LRFN5: variants seen among roughly 807,000 people sequenced by gnomAD.
LRFN5 encodes leucine-rich repeat and fibronectin type-III domain-containing protein 5.
LRFN5 carries 24 observed loss-of-function variants against 45.6 expected under a neutral mutation model. The ratio of observed to expected loss-of-function variants is 0.53; its 90% CI spans 0.38 to 0.74. The LOEUF is 0.74. Ranked by LOEUF, LRFN5 falls within the 30% of genes least tolerant of loss-of-function variation. LRFN5 has a pLI of 0.00. For synonymous variants in LRFN5, 340 were observed against 313.8 expected (o/e 1.08, Z -0.88); for missense variants, 776 against 861.5 (o/e 0.90, Z 1.24).
chr14:41,816,350 A>C (rs898349574), intron 2 of LRFN5, among the ~76,000 whole-genome samples: 1 of 152,072 alleles, frequency 6.6e-6, no homozygotes, highest in Non-Finnish European at 1.5e-5. Flanking sequence ...AAAAATTAAA[A>C]TTTTTATTTT....
intron 1 of LRFN5, among the ~76,000 whole-genome samples, chr14:41,684,404 G>A (rs1182278733): frequency 6.6e-6 from 1 of 152,170 alleles, no homozygotes; most frequent in African/African-American, 2.4e-5. Flanking sequence ...GGACAGCAAA[G>A]GGGAAGTAAG....
intron 1 of LRFN5, among the ~76,000 whole-genome samples, chr14:41,674,865 A>AGGCTGCAATCTCGGCACTTT (rs1881523813): frequency 6.8e-6 from 1 of 147,766 alleles, no homozygotes; most frequent in African/African-American, 2.5e-5. Context: ...TGCCGGGCGG[A>AGGCTGCAATCTCGGCACTTT]GGGTCTCCTC....
intron 2 of LRFN5, among the ~76,000 whole-genome samples, chr14:41,789,133 G>C (rs987404987): frequency 2.6e-5 from 4 of 151,780 alleles, no homozygotes; most frequent in African/African-American, 7.3e-5. Context: ...TTAATTTATA[G>C]CTCATATTAA....
Position 41,886,976 on chromosome 14 carries a change from T to C in LRFN5, c.351T>C (p.Asp117=), listed in dbSNP as rs752282043. The change falls in exon 3 of 6, where the codon GAT becomes GAC. Residue 117 remains aspartate, a synonymous_variant. Coordinates refer to ENST00000298119, the MANE Select transcript of LRFN5 (RefSeq NM_152447.5). ...NSNRLTKITN[D]MFSGLSNLHH... ...ACAGATTGACTAAAATTACAAATGA[T>C]ATGTTCAGTGGTCTTTCCAATCTTC... The C allele has an allele frequency of 6.2e-7, 1 of 1,614,096 alleles. No homozygotes were observed. The highest frequency in any genetic ancestry group is 1.3e-5 in the African/African-American group (1 of 74,938).
chr14:41,610,368 C>G (rs1282236826), intron 1 of LRFN5, among the ~76,000 whole-genome samples: 1 of 152,102 alleles, frequency 6.6e-6, no homozygotes, highest in Non-Finnish European at 1.5e-5. Flanking sequence ...AAACCTGAAG[C>G]TAAGTGTGTA....
At chr14:41,903,904 A>G (rs985937287) in intron 5 of LRFN5, among the ~76,000 whole-genome samples, 1 of 152,042 alleles carries the variant, frequency 6.6e-6, no homozygotes, top group Non-Finnish European at 1.5e-5. Context: ...TCTAGGCTTC[A>G]TATACTTAGA....
intron 2 of LRFN5, among the ~76,000 whole-genome samples, chr14:41,786,209 A>G (rs564410161): frequency 6.6e-6 from 1 of 152,298 alleles, no homozygotes; most frequent in Non-Finnish European, 1.5e-5. Context: ...TGGGCAAAAT[A>G]ATACCCACAA....
At chr14:41,662,776 C>T (rs1020898309) in intron 1 of LRFN5, among the ~76,000 whole-genome samples, 2 of 152,076 alleles carry the variant, frequency 1.3e-5, no homozygotes, top group African/African-American at 4.8e-5. Flanking sequence ...AACTGCTTCA[C>T]TTCTGCTTTC....
intron 2 of LRFN5, among the ~76,000 whole-genome samples, chr14:41,853,757 A>G (rs1889355294): frequency 6.6e-6 from 1 of 152,130 alleles, no homozygotes; most frequent in Non-Finnish European, 1.5e-5. Flanking sequence ...ACTTTGAATA[A>G]GAATATAGGT....
chr14:41,668,263 G>A (rs189845177), intron 1 of LRFN5, among the ~76,000 whole-genome samples: 20 of 152,146 alleles, frequency 1.3e-4, no homozygotes, highest in African/African-American at 4.1e-4. Context: ...ATGTGTCTGA[G>A]TATCACAAAA....
chr14:41,746,941 A>G lies in LRFN5; in HGVS notation c.-196-19913A>G, dbSNP rs551437800. Among the ~76,000 whole-genome samples the G allele has an allele frequency of 2.0e-5, 3 of 152,066 alleles. No individual in the cohort carries two copies. In the South Asian group the frequency reaches 6.2e-4, roughly 32 times the overall value. On this transcript the variant is annotated intron_variant, in intron 1 of 5. Coordinates refer to ENST00000298119, the MANE Select transcript of LRFN5 (RefSeq NM_152447.5). Reference sequence around the variant, plus strand: ...ACAGTATGAAAAGAAAATTGAGAAAATGATTCCATTTACAATACCATCAGA... The same window carrying G: ...ACAGTATGAAAAGAAAATTGAGAAAGTGATTCCATTTACAATACCATCAGA...
chr14:41,706,400 G>A (rs574341358), intron 1 of LRFN5, among the ~76,000 whole-genome samples: 6 of 151,930 alleles, frequency 3.9e-5, no homozygotes, highest in South Asian at 2.1e-4. Flanking sequence ...ATGTCCGGCC[G>A]TTTCTGTACT....
At chr14:41,788,993 A>G (rs771744585) in intron 2 of LRFN5, among the ~76,000 whole-genome samples, 2 of 152,016 alleles carry the variant, frequency 1.3e-5, no homozygotes, top group African/African-American at 2.4e-5. Flanking sequence ...CCAACTTTCT[A>G]ATTTTTCTTT....
chr14:41,669,160 G>C (rs941694952), intron 1 of LRFN5, among the ~76,000 whole-genome samples: 13 of 151,802 alleles, frequency 8.6e-5, no homozygotes, highest in Admixed American at 5.2e-4. Flanking sequence ...AATGTGAAGA[G>C]GTAAAACATT....
intron 1 of LRFN5, among the ~76,000 whole-genome samples, chr14:41,690,761 C>T (rs1197635386): frequency 1.3e-5 from 2 of 152,038 alleles, no homozygotes; most frequent in African/African-American, 2.4e-5. Context: ...TTTAATTTAG[C>T]ACTGTATTGG....
chr14:41,614,061 T>C (rs995210574), intron 1 of LRFN5, among the ~76,000 whole-genome samples: 40 of 152,198 alleles, frequency 2.6e-4, no homozygotes, highest in African/African-American at 9.1e-4. Context: ...CTTTCTCTTA[T>C]CTCCTTTGGA....
intron 2 of LRFN5, among the ~76,000 whole-genome samples, chr14:41,810,711 A>G (rs760920481): frequency 6.6e-6 from 1 of 152,100 alleles, no homozygotes; most frequent in Non-Finnish European, 1.5e-5. Context: ...TGTATTATGA[A>G]GAAAGTAAGA....
At chr14:41,812,586 A>G (rs965756116) in intron 2 of LRFN5, among the ~76,000 whole-genome samples, 37 of 151,960 alleles carry the variant, frequency 2.4e-4, no homozygotes, top group African/African-American at 8.7e-4. Flanking sequence ...CTTCAGCCAC[A>G]TGTCAGAAGT....
chr14:41,852,069 T>C (rs1889286336), intron 2 of LRFN5, among the ~76,000 whole-genome samples: 2 of 151,986 alleles, frequency 1.3e-5, no homozygotes, highest in Admixed American at 1.3e-4. Context: ...CTAATGAAAA[T>C]TGTGGATATA....
Sources: gnomAD v4.1 joint callset for allele counts (sites outside exome capture counted in the v4.1 genomes callset) on GRCh38, gnomAD v4.1.1 for gene constraint, MANE v1.5 for transcripts, NCBI Gene and HGNC (gene_info 2026-07-23, HGNC 2026-07-21) for gene names.